Variants in KLHDC3 observed in about 807,000 individuals in gnomAD.
KLHDC3 encodes the protein kelch domain-containing protein 3.
A neutral mutation model predicts 44.1 loss-of-function variants in KLHDC3; 5 were observed. The observed-to-expected ratio is 0.11, with a 90% confidence interval of 0.06 to 0.24. KLHDC3 has a LOEUF of 0.24. KLHDC3 is among the 10% of genes least tolerant of loss of function. The pLI is 1.00. For synonymous variants in KLHDC3, 170 were observed against 189.0 expected (o/e 0.90, Z 0.82); for missense variants, 247 against 514.3 (o/e 0.48, Z 5.03).
rs1038756349 is a variant in KLHDC3, at chr6:43,020,909, C to A, written c.*176C>A. On this transcript the variant is annotated 3_prime_UTR_variant, in exon 11 of 11. Coordinates refer to ENST00000326974, the MANE Select transcript of KLHDC3 (RefSeq NM_057161.4). Reference sequence around the variant, plus strand: ...GTGGGGAGCTGTAGCGGGGTGGGGGCTAGGTTCCTCCCCCCTTGGGCCGAG... The same window carrying A: ...GTGGGGAGCTGTAGCGGGGTGGGGGATAGGTTCCTCCCCCCTTGGGCCGAG... 8 of 674,564 alleles carry A rather than the reference C, an allele frequency of 1.2e-5. No individual in the cohort carries two copies. In the African/African-American group the frequency reaches 1.2e-4, roughly 10 times the overall value. The allele number at this position is 674,564 out of a possible 1,614,324, so 41.8% of individuals were successfully genotyped here.
chr6:43,014,764 C>T (rs1443761183), intron 1 of KLHDC3, among the ~76,000 whole-genome samples: 1 of 151,802 alleles, frequency 6.6e-6, no homozygotes, highest in African/African-American at 2.4e-5. Flanking sequence ...AAATGGAGGG[C>T]TGTTGGGTGG....
intron 10 of KLHDC3, 110 bp from the exon 11 acceptor site, chr6:43,020,557 T>G: frequency 8.3e-6 from 7 of 845,286 alleles, no homozygotes; most frequent in Non-Finnish European, 1.4e-5. Context: ...TGTGGGTGGT[T>G]GACCTTTAGG....
chr6:43,015,941 T>C lies in KLHDC3; in HGVS notation c.-59-1193T>C, dbSNP rs538121168. 9.8e-4 allele frequency among the ~76,000 whole-genome samples: 147 copies of C among 149,998 alleles called. 1 individual carries two copies. In the South Asian group the frequency reaches 0.011, roughly 11 times the overall value. ...AGGGCATTTTTTGCCTCCCTTCCCC[T>C]TTTTTTTTGTTTTGAGACAGAGTCT... On this transcript the variant is annotated intron_variant, in intron 1 of 10. Transcript: ENST00000326974.
In KLHDC3 at chr6:43,019,085, C is replaced by T. The variant is rs1214448382; in HGVS notation, c.930-7C>T. Reference sequence around the variant, plus strand: ...TCCTACTTTCATCTCTCTTTTGATCCCGACAGTCCATCTCCTGAGGAAGGC... The same window carrying T: ...TCCTACTTTCATCTCTCTTTTGATCTCGACAGTCCATCTCCTGAGGAAGGC... On this transcript the variant is annotated splice_polypyrimidine_tract_variant and splice_region_variant and intron_variant, in intron 8 of 10. Coordinates refer to ENST00000326974, the MANE Select transcript of KLHDC3 (RefSeq NM_057161.4). 2 of 1,611,390 alleles carry T rather than the reference C, an allele frequency of 1.2e-6. No homozygotes were observed. The highest frequency in any genetic ancestry group is 1.1e-5 in the South Asian group (1 of 90,982).
In KLHDC3 at chr6:43,020,845, A is replaced by T. The variant is rs1317086554; in HGVS notation, c.*112A>T. On this transcript the variant is annotated 3_prime_UTR_variant, in exon 11 of 11. Coordinates refer to ENST00000326974, the MANE Select transcript of KLHDC3 (RefSeq NM_057161.4). ...CTGGACTTGGTATACCTCCATGTGG[A>T]GTTGTTGGGCGAGAGGTGTTCTCTG... 1.2e-6 allele frequency: 1 copy of T among 843,176 alleles called. No homozygotes were observed. Among genetic ancestry groups the T allele is most frequent in the East Asian group, 2.5e-5 (1 of 39,278 alleles). 52.2% of individuals were successfully genotyped at this position (843,176 alleles called of 1,614,324 possible).
Position 43,018,821 on chromosome 6 carries a change from G to C in KLHDC3, c.821-42G>C. 6.4e-7 allele frequency: 1 copy of C among 1,555,646 alleles called. No individual in the cohort carries two copies. Among genetic ancestry groups the C allele is most frequent in the Non-Finnish European group, 8.9e-7 (1 of 1,127,562 alleles). On this transcript the variant is annotated intron_variant, in intron 7 of 10. Coordinates refer to ENST00000326974, the MANE Select transcript of KLHDC3 (RefSeq NM_057161.4). This position sits in a 1 kb window ranked among gnomAD's most constrained non-coding sequence, Gnocchi z 6.0. ...AGGGATGGGGGTGGGGAAGATACCT[G>C]GACTAGGCAGGTATTGAACTTCCAT...
rs773365028 is a variant in KLHDC3 at position 43,018,467 on chromosome 6, G to T, written c.644G>T (p.Arg215Leu). The change falls in exon 6 of 11, where the codon CGC (arginine) becomes CTC (leucine). Residue 215 changes from arginine to leucine, a missense_variant. Physicochemically the swap from Arg to Leu is moderately radical, Grantham distance 102 (BLOSUM62 -2). Around this residue, in one of 2 missense-constraint regions of KLHDC3, gnomAD observed 176 missense variants for 413.5 expected, o/e 0.43. Coordinates refer to ENST00000326974, the MANE Select transcript of KLHDC3 (RefSeq NM_057161.4). The surrounding 1 kb of genome is among the most constrained non-coding windows in gnomAD (Gnocchi z 6.0). ...FHSNNEIYCN[R>L]IRVFDTRTEA... The stretch of plus-strand genomic sequence containing the variant: ...TCCAACAATGAGATTTACTGCAACC[G>T]CATTCGAGTCTTTGACACCAGAACT... 3.7e-6 allele frequency: 6 copies of T among 1,613,996 alleles called. No individual in the cohort carries two copies. Among genetic ancestry groups the T allele is most frequent in the South Asian group, 2.2e-5 (2 of 91,084 alleles).
chr6:43,017,215 T>C lies in KLHDC3; in HGVS notation c.23T>C (p.Leu8Pro). 6.2e-7 allele frequency: 1 copy of C among 1,613,812 alleles called. No individual in the cohort carries two copies. Among genetic ancestry groups the C allele is most frequent in the Non-Finnish European group, 8.5e-7 (1 of 1,179,966 alleles). Residue 8 changes from leucine to proline, a missense_variant, in exon 2 of 11, where the codon CTG becomes CCG. Physicochemically the swap from Leu to Pro is moderately conservative, Grantham distance 98. Coordinates refer to ENST00000326974, the MANE Select transcript of KLHDC3 (RefSeq NM_057161.4). This position sits in a 1 kb window ranked among gnomAD's most constrained non-coding sequence, Gnocchi z 6.0. MLRWTVH[L>P]EGGPRRVNHA... Reference sequence around the variant, plus strand: ...GGGATGTTACGGTGGACAGTGCACCTGGAGGGCGGGCCCCGCAGGGTGAAC... The same window carrying C: ...GGGATGTTACGGTGGACAGTGCACCCGGAGGGCGGGCCCCGCAGGGTGAAC...
intron 1 of KLHDC3, chr6:43,016,463 A>G (rs1264682919): frequency 6.6e-6 from 1 of 152,338 alleles, no homozygotes; most frequent in Non-Finnish European, 1.5e-5. Context: ...ACAGCTGTCA[A>G]AGGAACTCCT....
At chr6:43,014,719 G>A in intron 1 of KLHDC3, 1 of 414,468 alleles carries the variant, frequency 2.4e-6, no homozygotes, top group Non-Finnish European at 5.0e-6. Context: ...CGTGGTCAGT[G>A]CATGCTAATT....
Position 43,018,314 on chromosome 6 carries a change from C to T in KLHDC3, c.520-29C>T. 2 of 1,601,704 alleles carry T rather than the reference C, an allele frequency of 1.2e-6. No individual in the cohort carries two copies. Among genetic ancestry groups the T allele is most frequent in the South Asian group, 1.1e-5 (1 of 90,864 alleles). The stretch of plus-strand genomic sequence containing the variant: ...ATCCTCTTCCAGTCTTTGTGCTGAC[C>T]CCTCCACCATCTCTCTGCCTCTGCC... On this transcript the variant is annotated intron_variant, in intron 5 of 10. Transcript: ENST00000326974. The surrounding 1 kb of genome is among the most constrained non-coding windows in gnomAD (Gnocchi z 6.0).
chr6:43,018,352 G>T lies in KLHDC3; in HGVS notation c.529G>T (p.Ala177Ser). Reference sequence around the variant, plus strand: ...CTCTGCCTCTGCCCAGGGCAGCCCTGCACGCTGGAGGGACTTCCACTCAGC... The same window carrying T: ...CTCTGCCTCTGCCCAGGGCAGCCCTTCACGCTGGAGGGACTTCCACTCAGC... Reference protein sequence around the residue: ...WTLICTKGSPARWRDFHSATM... With the variant: ...WTLICTKGSPSRWRDFHSATM... Residue 177 changes from alanine (A) to serine (S), a missense_variant, in exon 6 of 11, where the codon GCA becomes TCA. Physicochemically the swap from Ala to Ser is moderately conservative, Grantham distance 99. Coordinates refer to ENST00000326974, the MANE Select transcript of KLHDC3 (RefSeq NM_057161.4). This position sits in a 1 kb window ranked among gnomAD's most constrained non-coding sequence, Gnocchi z 6.0. The T allele has an allele frequency of 6.2e-7, 1 of 1,613,430 alleles. No individual in the cohort carries two copies. Among genetic ancestry groups the T allele is most frequent in the Non-Finnish European group, 8.5e-7 (1 of 1,179,822 alleles).
At chr6:43,016,936 G>A in intron 1 of KLHDC3, 198 bp from the exon 2 acceptor site, 1 of 524,250 alleles carries the variant, frequency 1.9e-6, no homozygotes, top group Non-Finnish European at 3.4e-6. Context: ...AGAACACTGG[G>A]CCCAGGCTGC....
chr6:43,019,022 G>C (rs561597597), intron 8 of KLHDC3, 51 bp downstream of exon 8: 1 of 1,562,778 alleles, frequency 6.4e-7, no homozygotes, highest in East Asian at 2.2e-5. Context: ...TGGGAGAGTG[G>C]GAGGTATTTG....
In KLHDC3 at chr6:43,017,662, G is replaced by T. The variant is rs1762609731; in HGVS notation, c.298G>T (p.Gly100Trp). ...TTGGGGCGGGCGGAATGACACCGAA[G>T]GGGCCTGCAATGTGCTCTATGCCTT... ...LLWGGRNDTE[G>W]ACNVLYAFDV... The change falls in exon 3 of 11, where the codon GGG becomes TGG. Residue 100 changes from glycine to tryptophan, a missense_variant. Gly to Trp is a radical substitution (Grantham distance 184). Around this residue, in one of 2 missense-constraint regions of KLHDC3, gnomAD observed 176 missense variants for 413.5 expected, o/e 0.43. Transcript: ENST00000326974. This position sits in a 1 kb window ranked among gnomAD's most constrained non-coding sequence, Gnocchi z 6.0. The T allele has an allele frequency of 6.2e-7, 1 of 1,613,544 alleles. No homozygotes were observed. Among genetic ancestry groups the T allele is most frequent in the African/African-American group, 1.3e-5 (1 of 74,924 alleles).
intron 10 of KLHDC3, 31 bp downstream of exon 10, chr6:43,019,397 A>C (rs941811959): frequency 1.4e-6 from 2 of 1,429,840 alleles, no homozygotes; most frequent in Non-Finnish European, 2.0e-6. Context: ...GGAGGGATTG[A>C]GTGAGGGTGA....
chr6:43,019,314 C>T lies in KLHDC3; in HGVS notation c.1030C>T (p.Leu344=), dbSNP rs751470735. 6.2e-7 allele frequency: 1 copy of T among 1,613,856 alleles called. No homozygotes were observed. Among genetic ancestry groups the T allele is most frequent in the Non-Finnish European group, 8.5e-7 (1 of 1,179,734 alleles). ...CCCTAGTCTGAAGACTCTGTGCAAACTGGCCGTGATTCAGTATAACCTAGA... is the reference window on the plus strand; with the variant it reads ...CCCTAGTCTGAAGACTCTGTGCAAATTGGCCGTGATTCAGTATAACCTAGA... ...FSPSLKTLCK[L]AVIQYNLDQS... Residue 344 remains leucine, a synonymous_variant, in exon 10 of 11, where the codon CTG becomes TTG. Transcript: ENST00000326974.
chr6:43,018,855 C>T lies in KLHDC3; in HGVS notation c.821-8C>T. The T allele has an allele frequency of 6.2e-7, 1 of 1,603,634 alleles. No individual in the cohort carries two copies. Among genetic ancestry groups the T allele is most frequent in the Non-Finnish European group, 8.5e-7 (1 of 1,172,708 alleles). ...AGGTATTGAACTTCCATATAAATTT[C>T]TCTTCAGTGTCCTTTACCTGGAAAA... On this transcript the variant is annotated splice_region_variant and splice_polypyrimidine_tract_variant and intron_variant, in intron 7 of 10. Transcript: ENST00000326974. The surrounding 1 kb of genome is among the most constrained non-coding windows in gnomAD (Gnocchi z 6.0).
rs745816305 is a variant in KLHDC3 at position 43,017,846 on chromosome 6, C to G, written c.332-7C>G. 7 of 1,611,828 alleles carry G rather than the reference C, an allele frequency of 4.3e-6. No individual in the cohort carries two copies. In the South Asian group the frequency reaches 6.6e-5, roughly 15 times the overall value. ...GCTTAGTTGAGCCATTTTCTCATCT[C>G]CTTCAGATACGCACAAGTGGTTCAC... On this transcript the variant is annotated splice_region_variant and splice_polypyrimidine_tract_variant and intron_variant, in intron 3 of 10. Transcript: ENST00000326974. The surrounding 1 kb of genome is among the most constrained non-coding windows in gnomAD (Gnocchi z 6.0).
Sources: gnomAD v4.1 joint callset for allele counts (sites outside exome capture counted in the v4.1 genomes callset) on GRCh38, gnomAD v4.1.1 for gene constraint, gnomAD v4.1.1 regional missense constraint, Gnocchi (gnomAD v3.1) non-coding constraint, MANE v1.5 for transcripts, NCBI Gene and HGNC (gene_info 2026-07-23, HGNC 2026-07-21) for gene names.